The following COPZ2 variants were observed in gnomAD, a reference collection of about 807,000 sequenced individuals.
COPZ2 encodes the protein coatomer subunit zeta-2.
COPZ2 carries 30 observed loss-of-function variants against 33.2 expected under a neutral mutation model. The observed-to-expected ratio is 0.90, with a 90% confidence interval of 0.68 to 1.23. The LOEUF is 1.23. Ranked by LOEUF, COPZ2 falls within the 50% of genes most tolerant of loss-of-function variation. COPZ2 has a pLI of 0.00. For missense variants in COPZ2, 263 were observed against 262.4 expected (o/e 1.00, Z -0.02); for synonymous variants, 89 against 102.6 (o/e 0.87, Z 0.80).
chr17:48,042,725 G>T (rs1420996250), upstream of COPZ2, among the ~76,000 whole-genome samples: 1 of 152,236 alleles, frequency 6.6e-6, no homozygotes, highest in Non-Finnish European at 1.5e-5. Context: ...GCCTCCCAAA[G>T]TGCTGGGATT....
upstream of COPZ2, among the ~76,000 whole-genome samples, chr17:48,042,956 A>C (rs2144325672): frequency 6.6e-6 from 1 of 152,356 alleles, no homozygotes; most frequent in Middle Eastern, 3.4e-3. Flanking sequence ...AGTTTCACAT[A>C]AACATGTGAG....
chr17:48,043,769 G>A, the COPZ2 span, among the ~76,000 whole-genome samples: 4 of 152,078 alleles, frequency 2.6e-5, no homozygotes, highest in Middle Eastern at 3.2e-3. Flanking sequence ...CATTTAGCTC[G>A]GGATGGCCCA....
intron 8 of COPZ2, among the ~76,000 whole-genome samples, chr17:48,027,071 T>A (rs2036827880): frequency 6.6e-6 from 1 of 152,160 alleles, no homozygotes; most frequent in South Asian, 2.1e-4. Flanking sequence ...CCTCAGATTG[T>A]CCCTCCAGCC....
chr17:48,037,984 C>T (rs1434880629), upstream of COPZ2: 1 of 519,460 alleles, frequency 1.9e-6, no homozygotes, highest in Non-Finnish European at 2.5e-6. This position sits in a 1 kb window ranked among gnomAD's most constrained non-coding sequence, Gnocchi z 5.6. Context: ...CTCCTTGGCT[C>T]CTTCCCGAGT....
chr17:48,031,900 A>G lies in COPZ2; in HGVS notation c.494+256T>C. On this transcript the variant is annotated intron_variant, in intron 6 of 8. Transcript: ENST00000621465. ...ACTGGATTTTCCCCAAACCCTGCCTATTCAACAGTCTCCCATAGTTTGACA... is the reference window on the plus strand; with the variant it reads ...ACTGGATTTTCCCCAAACCCTGCCTGTTCAACAGTCTCCCATAGTTTGACA... 9.3e-6 allele frequency: 5 copies of G among 536,182 alleles called. No homozygotes were observed. The East Asian group carries it at 1.3e-4, about 14-fold the overall frequency. 33.2% of individuals were successfully genotyped at this position (536,182 alleles called of 1,614,324 possible). A position where few individuals can be genotyped will look rare whatever the true frequency, so the allele number is the denominator to read the frequency against.
intron 2 of COPZ2, among the ~76,000 whole-genome samples, chr17:48,036,154 C>T (rs2036980063): frequency 1.3e-5 from 2 of 152,154 alleles, no homozygotes; most frequent in Admixed American, 6.5e-5. Context: ...GTTTGGTTCG[C>T]TCAGGCCATG....
intron 4 of COPZ2, 178 bp downstream of exon 4, chr17:48,033,033 C>A: frequency 1.7e-6 from 1 of 602,382 alleles, no homozygotes; most frequent in Non-Finnish European, 3.0e-6. Flanking sequence ...AACTAAGGGG[C>A]ATCGAAGATA....
chr17:48,037,219 G>C lies in COPZ2; in HGVS notation c.112-294C>G, dbSNP rs1290654790. The C allele has an allele frequency of 1.6e-6, 1 of 643,134 alleles. No homozygotes were observed. The highest frequency in any genetic ancestry group is 3.0e-6 in the Non-Finnish European group (1 of 336,820). 39.8% of individuals were successfully genotyped at this position (643,134 alleles called of 1,614,324 possible). On this transcript the variant is annotated intron_variant, in intron 1 of 8. Coordinates refer to ENST00000621465, the MANE Select transcript of COPZ2 (RefSeq NM_016429.4). The surrounding 1 kb of genome is among the most constrained non-coding windows in gnomAD (Gnocchi z 5.6). ...ACTGCTCCAGAGCCCGAGTCGGAGT[G>C]TATCACAGAACCTGGGCCGGGGGGG...
the COPZ2 span, chr17:48,045,552 T>C: frequency 6.6e-6 from 1 of 152,306 alleles, no homozygotes; most frequent in Non-Finnish European, 1.5e-5. Context: ...GTATGTTTTA[T>C]AGTTAGCTGG....
At position 48,037,214 on chromosome 17, in the gene COPZ2, G is replaced by A; in HGVS notation, c.112-289C>T. ...CACTGACTGCTCCAGAGCCCGAGTC[G>A]GAGTGTATCACAGAACCTGGGCCGG... On this transcript the variant is annotated intron_variant, in intron 1 of 8. Coordinates refer to ENST00000621465, the MANE Select transcript of COPZ2 (RefSeq NM_016429.4). The surrounding 1 kb of genome is among the most constrained non-coding windows in gnomAD (Gnocchi z 5.6). 1 of 654,280 alleles carries A rather than the reference G, an allele frequency of 1.5e-6. No individual in the cohort carries two copies. Among genetic ancestry groups the A allele is most frequent in the Admixed American group, 2.0e-5 (1 of 48,872 alleles). The allele number at this position is 654,280 out of a possible 1,614,324, so 40.5% of individuals were successfully genotyped here.
chr17:48,044,252 C>A, the COPZ2 span, among the ~76,000 whole-genome samples: 1 of 151,998 alleles, frequency 6.6e-6, no homozygotes, highest in Non-Finnish European at 1.5e-5. Context: ...GAGGCTGAAG[C>A]AGGAGAATCG....
chr17:48,036,447 C>T (rs2036983944), intron 2 of COPZ2, among the ~76,000 whole-genome samples: 1 of 152,172 alleles, frequency 6.6e-6, no homozygotes, highest in Non-Finnish European at 1.5e-5. Context: ...AATCCTTAGA[C>T]TCCTTAGACT....
At chr17:48,039,747 T>G (rs2037043133), upstream of COPZ2, among the ~76,000 whole-genome samples, 1 of 152,172 alleles carries the variant, frequency 6.6e-6, no homozygotes. Flanking sequence ...TGTTTGTTTG[T>G]TTTTTTGTTT....
the COPZ2 span, chr17:48,043,513 G>C: frequency 1.0e-6 from 1 of 985,326 alleles, no homozygotes; most frequent in African/African-American, 1.7e-5. Flanking sequence ...AGTGTGTACT[G>C]GTGGCATCCT....
At chr17:48,042,425 C>G (rs1384076140), upstream of COPZ2, among the ~76,000 whole-genome samples, 1 of 148,610 alleles carries the variant, frequency 6.7e-6, no homozygotes, top group African/African-American at 2.5e-5. Context: ...TGAACCACCG[C>G]GCCTGGCCTT....
chr17:48,026,454 G>T lies in COPZ2; in HGVS notation c.607C>A (p.Gln203Lys), dbSNP rs2036818008. The change falls in exon 9 of 9, where the codon CAA (glutamine) becomes AAA (lysine). Residue 203 changes from glutamine to lysine, a missense_variant. Gln to Lys is a moderately conservative substitution (Grantham distance 53). Coordinates refer to ENST00000621465, the MANE Select transcript of COPZ2 (RefSeq NM_016429.4). Reference sequence around the variant, plus strand: ...CATTTCAATAACGACCATTTAATTTGTTCCTTGGCAGACTGAAGAACCTGG... The same window carrying T: ...CATTTCAATAACGACCATTTAATTTTTTCCTTGGCAGACTGAAGAACCTGG... Reference protein sequence around the residue: ...VAQVLQSAKEQIKWSLLK With the variant: ...VAQVLQSAKEKIKWSLLK The T allele has an allele frequency of 3.7e-6, 6 of 1,612,862 alleles. No homozygotes were observed. Among genetic ancestry groups the T allele is most frequent in the Non-Finnish European group, 5.1e-6 (6 of 1,178,928 alleles).
intron 6 of COPZ2, among the ~76,000 whole-genome samples, chr17:48,029,681 T>G (rs1269521526): frequency 4.6e-5 from 7 of 151,996 alleles, no homozygotes; most frequent in Non-Finnish European, 5.9e-5. Flanking sequence ...TTTTTTTTTT[T>G]TTTAAGGCTG....
intron 5 of COPZ2, 136 bp downstream of exon 5, chr17:48,032,549 AT>A: frequency 1.3e-6 from 1 of 755,344 alleles, no homozygotes; most frequent in Non-Finnish European, 2.2e-6. Flanking sequence ...ACTTTCGTTC[AT>A]TGTGTCGACT....
upstream of COPZ2, among the ~76,000 whole-genome samples, chr17:48,039,760 A>G (rs1403141578): frequency 6.6e-6 from 1 of 152,082 alleles, no homozygotes; most frequent in African/African-American, 2.4e-5. Flanking sequence ...TTTTGTTTTG[A>G]GACAGGGTCT....
Sources: allele counts gnomAD v4.1 joint callset (sites outside exome capture counted in the v4.1 genomes callset), GRCh38; gene constraint gnomAD v4.1.1; non-coding constraint Gnocchi (gnomAD v3.1); transcripts MANE v1.5; gene names NCBI Gene and HGNC (gene_info 2026-07-23, HGNC 2026-07-21).